Variants in NUP214 observed in about 807,000 individuals in gnomAD.
The protein encoded by NUP214 is nucleoporin 214, also known as nuclear pore complex protein Nup214.
NUP214 carries 79 observed loss-of-function variants against 196.2 expected under a neutral mutation model. That is an observed-to-expected ratio of 0.40 (90% CI 0.34 to 0.49). NUP214 has a LOEUF of 0.49. Ranked by LOEUF, NUP214 falls within the 20% of genes least tolerant of loss-of-function variation. The pLI, the probability that NUP214 is intolerant of heterozygous loss-of-function variation, is 0.58. For missense variants in NUP214, 2,468 were observed against 2,539.0 expected (o/e 0.97, Z 0.60); for synonymous variants, 1,020 against 990.5 (o/e 1.03, Z -0.56).
rs527948039 is a variant in NUP214, at chr9:131,207,017, A to C, written c.5592+5300A>C. 2.0e-5 allele frequency among the ~76,000 whole-genome samples: 3 copies of C among 152,224 alleles called. No homozygotes were observed. In the East Asian group the frequency reaches 5.8e-4, roughly 29 times the overall value. On this transcript the variant is annotated intron_variant, in intron 30 of 35. Transcript: ENST00000359428. Reference sequence around the variant, plus strand: ...CAATGCTTAGGACTATGTCTGGCACATGATAGGCATTGTGGAAATGAATGA... The same window carrying C: ...CAATGCTTAGGACTATGTCTGGCACCTGATAGGCATTGTGGAAATGAATGA...
chr9:131,198,264 G>A lies in NUP214; in HGVS notation c.4770G>A (p.Val1590=), dbSNP rs765416954. ...TACCACCTGCTTCCTCCTTTTCTGT[G>A]CCTGGGCAGACTGCTGTCACAGCAG... ...EAVPPASSFS[V]PGQTAVTAAA... The change falls in exon 29 of 36, where the codon GTG becomes GTA. Residue 1590 remains valine (V), a synonymous_variant. Transcript: ENST00000359428. 3.7e-6 allele frequency: 6 copies of A among 1,614,202 alleles called. No homozygotes were observed. The highest frequency in any genetic ancestry group is 4.5e-5 in the East Asian group (2 of 44,890).
chr9:131,216,728 T>C (rs1302380792), intron 31 of NUP214, among the ~76,000 whole-genome samples: 1 of 151,598 alleles, frequency 6.6e-6, no homozygotes, highest in Admixed American at 6.6e-5. Flanking sequence ...GGTTTTACCA[T>C]GTTGGCCAGG....
rs566627438 is a variant in NUP214 at position 131,213,661 on chromosome 9, A to G, written c.5593-1551A>G. On this transcript the variant is annotated intron_variant, in intron 30 of 35. Transcript: ENST00000359428. The stretch of plus-strand genomic sequence containing the variant: ...TTCTAACTTTCCATGGCAGTTTACT[A>G]GTTATCAGGGCCAATGCTGTTAGGA... Among the ~76,000 whole-genome samples the G allele has an allele frequency of 3.3e-5, 5 of 152,274 alleles. No individual in the cohort carries two copies. The East Asian group carries it at 9.6e-4, about 29-fold the overall frequency.
At position 131,199,941 on chromosome 9, in the gene NUP214, T is replaced by C. The variant is rs114907532; in HGVS notation, c.5521+926T>C. On this transcript the variant is annotated intron_variant, in intron 29 of 35. Transcript: ENST00000359428. ...GGACACGGTGTTGAAAAGACAGATA[T>C]GGTTTTGAGACCTACCCAATGCCCT... is the stretch of plus-strand genomic sequence containing the variant. 2.0e-3 allele frequency among the ~76,000 whole-genome samples: 309 copies of C among 152,272 alleles called. 2 individuals carry two copies. The highest frequency in any genetic ancestry group is 7.0e-3 in the African/African-American group (290 of 41,558).
chr9:131,216,233 T>C (rs972785937), intron 31 of NUP214, among the ~76,000 whole-genome samples: 5 of 150,482 alleles, frequency 3.3e-5, no homozygotes, highest in African/African-American at 1.2e-4. Context: ...TTTTTTTCTT[T>C]TTTCTTTTTG....
intron 27 of NUP214, 40 bp downstream of exon 27, chr9:131,192,332 AT>A (rs1213876462): frequency 8.6e-7 from 1 of 1,164,472 alleles, no homozygotes; most frequent in Non-Finnish European, 1.3e-6. Context: ...ATTACTAGCA[AT>A]TAGCTTCCCC....
chr9:131,177,738 T>C (rs1833156651), intron 23 of NUP214, among the ~76,000 whole-genome samples: 1 of 152,204 alleles, frequency 6.6e-6, no homozygotes, highest in African/African-American at 2.4e-5. Flanking sequence ...AGACGAAAGC[T>C]GATGAGGAGG....
At chr9:131,171,261 A>G (rs1832948263) in intron 21 of NUP214, among the ~76,000 whole-genome samples, 1 of 152,186 alleles carries the variant, frequency 6.6e-6, no homozygotes, top group Non-Finnish European at 1.5e-5. Context: ...TGCCTCAGAA[A>G]GGTGAAGGAA....
intron 33 of NUP214, chr9:131,229,206 T>C (rs1228184269): frequency 6.5e-6 from 1 of 154,850 alleles, no homozygotes; most frequent in African/African-American, 2.4e-5. Flanking sequence ...AAATAAACTA[T>C]AGTATGTTCT....
chr9:131,138,242 C>CT (rs1588126066), intron 9 of NUP214, among the ~76,000 whole-genome samples: 1 of 151,060 alleles, frequency 6.6e-6, no homozygotes, highest in East Asian at 1.9e-4. Flanking sequence ...TCCTCCCCTC[C>CT]CCTCCCCTCC....
intron 28 of NUP214, chr9:131,195,593 A>C (rs1052386687): frequency 1.4e-4 from 42 of 306,492 alleles, no homozygotes; most frequent in African/African-American, 9.2e-4. Flanking sequence ...CTGTAATTTA[A>C]AATTTCTTCA....
intron 25 of NUP214, among the ~76,000 whole-genome samples, chr9:131,188,064 ACC>A (rs1833502849): frequency 1.3e-5 from 2 of 152,226 alleles, no homozygotes; most frequent in African/African-American, 4.8e-5. Context: ...GGCTTGAGTG[ACC>A]AACGCAAACT....
intron 24 of NUP214, among the ~76,000 whole-genome samples, chr9:131,184,021 TTTTTC>T (rs1283924000): frequency 2.7e-5 from 4 of 145,608 alleles, no homozygotes; most frequent in African/African-American, 1.0e-4. Flanking sequence ...TTCTTTTTTC[TTTTTC>T]TTTTTTTTTT....
intron 25 of NUP214, among the ~76,000 whole-genome samples, chr9:131,188,209 C>G (rs566478607): frequency 2.0e-4 from 30 of 152,178 alleles, no homozygotes; most frequent in Non-Finnish European, 3.4e-4. Context: ...TCCTGCAATC[C>G]CTGTTTGTCA....
rs1260319034 is a variant in NUP214, at chr9:131,132,745, C to T, written c.727+86C>T. The T allele has an allele frequency of 4.4e-6, 5 of 1,138,474 alleles. No individual in the cohort carries two copies. In the African/African-American group the frequency reaches 4.6e-5, roughly 11 times the overall value. 70.5% of individuals were successfully genotyped at this position (1,138,474 alleles called of 1,614,324 possible). On this transcript the variant is annotated intron_variant, in intron 6 of 35. Transcript: ENST00000359428. ...TTCAAAATCATGTAATGTACCTGCT[C>T]AGTGAGGTATTGGTGTTTGCTTTAT...
intron 30 of NUP214, among the ~76,000 whole-genome samples, chr9:131,203,887 T>TAAAG (rs957385771): frequency 1.3e-5 from 2 of 151,900 alleles, no homozygotes; most frequent in Admixed American, 1.3e-4. Flanking sequence ...ACCCCAAAGG[T>TAAAG]AAAGGGACAA....
rs1320083995 is a variant in NUP214, at chr9:131,129,290, A to G, written c.405A>G (p.Gln135=). 5 of 1,614,056 alleles carry G rather than the reference A, an allele frequency of 3.1e-6. No homozygotes were observed. The Admixed American group carries it at 5.0e-5, about 16-fold the overall frequency. ...VRTFSNEAKQ[Q]KRPFAYHKLL... ...ATTTGTTTTAAAAGGCTAAACAGCA[A>G]AAACGCCCATTTGCCTATCATAAGC... The change falls in exon 4 of 36, where the codon CAA becomes CAG. Residue 135 remains glutamine (Q), a synonymous_variant. Coordinates refer to ENST00000359428, the MANE Select transcript of NUP214 (RefSeq NM_005085.4).
chr9:131,152,709 C>T (rs1832310353), intron 17 of NUP214, among the ~76,000 whole-genome samples: 2 of 152,014 alleles, frequency 1.3e-5, no homozygotes, highest in Non-Finnish European at 1.5e-5. Flanking sequence ...GGCTAGGAAA[C>T]GGGGAACCAG....
intron 17 of NUP214, among the ~76,000 whole-genome samples, chr9:131,157,871 C>T (rs576686378): frequency 6.6e-6 from 1 of 152,260 alleles, no homozygotes; most frequent in South Asian, 2.1e-4. Flanking sequence ...GTTTCAAACT[C>T]CTGGCCTCAA....
Sources: gnomAD v4.1 joint callset for allele counts (sites outside exome capture counted in the v4.1 genomes callset) on GRCh38, gnomAD v4.1.1 for gene constraint, MANE v1.5 for transcripts, NCBI Gene and HGNC (gene_info 2026-07-23, HGNC 2026-07-21) for gene names.